FXYD7: variants seen among roughly 807,000 people sequenced by gnomAD.
FXYD7 encodes FXYD domain-containing ion transport regulator 7.
FXYD7 carries 7 observed loss-of-function variants against 15.3 expected under a neutral mutation model. The ratio of observed to expected loss-of-function variants is 0.46; its 90% CI spans 0.26 to 0.86. The LOEUF (loss-of-function observed/expected upper bound fraction) is 0.86. Ranked by LOEUF, FXYD7 falls within the 40% of genes least tolerant of loss-of-function variation. FXYD7 has a pLI of 0.16. For synonymous variants in FXYD7, 39 were observed against 39.3 expected (o/e 0.99, Z 0.03); for missense variants, 78 against 100.6 (o/e 0.78, Z 0.96).
Position 35,153,937 on chromosome 19 carries a change from G to A in FXYD7, c.*21G>A, listed in dbSNP as rs201775954. ...TGTAACACCTTCCCGAGGAAACTCC[G>A]CTGCCGACCCTGCCTGAGCGCGGGA... On this transcript the variant is annotated 3_prime_UTR_variant, in exon 6 of 6. Coordinates refer to ENST00000270310, the MANE Select transcript of FXYD7 (RefSeq NM_022006.2). 6 of 1,610,220 alleles carry A rather than the reference G, an allele frequency of 3.7e-6. No homozygotes were observed. In the East Asian group the frequency reaches 1.3e-4, roughly 36 times the overall value.
chr19:35,146,848 C>T (rs1051558513), intron 1 of FXYD7, among the ~76,000 whole-genome samples: 7 of 152,152 alleles, frequency 4.6e-5, no homozygotes. Context: ...AGACAGAGAC[C>T]TGGGAAGGGT....
chr19:35,151,826 G>C (rs1249781485), intron 5 of FXYD7, among the ~76,000 whole-genome samples, 153 bp downstream of exon 5: 2 of 152,060 alleles, frequency 1.3e-5, no homozygotes, highest in Admixed American at 1.3e-4. Context: ...AGGAAGCTGA[G>C]GAAATTCCGC....
chr19:35,153,996 GC>G lies in FXYD7; in HGVS notation c.*82del. ...ACCGGGTGGAGGCGGTGGGGACCCA[GC>G]CGCGCGCCGGGAGCGCTCCCCGGAA... On this transcript the variant is annotated 3_prime_UTR_variant, in exon 6 of 6. Transcript: ENST00000270310. 7.1e-7 allele frequency: 1 copy of G among 1,416,550 alleles called. No individual in the cohort carries two copies. Among genetic ancestry groups the G allele is most frequent in the Non-Finnish European group, 9.9e-7 (1 of 1,013,944 alleles). The allele number at this position is 1,416,550 out of a possible 1,614,324, so 87.7% of individuals were successfully genotyped here.
chr19:35,151,567 G>A (rs370412632), intron 4 of FXYD7, 66 bp from the exon 5 acceptor site: 55 of 1,593,532 alleles, frequency 3.5e-5, no homozygotes, highest in Non-Finnish European at 3.3e-5. Flanking sequence ...CCTGCCATGC[G>A]TTTTCCCCAA....
chr19:35,149,915 G>C (rs968596804), intron 2 of FXYD7, among the ~76,000 whole-genome samples: 1 of 152,014 alleles, frequency 6.6e-6, no homozygotes, highest in African/African-American at 2.4e-5. Flanking sequence ...AACTATGATC[G>C]TGATTTTTTT....
At chr19:35,152,344 A>G (rs970838636) in intron 5 of FXYD7, among the ~76,000 whole-genome samples, 63 of 151,762 alleles carry the variant, frequency 4.2e-4, no homozygotes, top group African/African-American at 1.5e-3. Flanking sequence ...CTGTGAAGAG[A>G]AGGGCCCCAT....
intron 2 of FXYD7, 96 bp downstream of exon 2, chr19:35,148,819 C>G (rs746119297): frequency 9.1e-7 from 1 of 1,093,774 alleles, no homozygotes; most frequent in Non-Finnish European, 1.4e-6. Flanking sequence ...CCACACGATA[C>G]GTGCTGGGCC....
rs954084904 is a variant in FXYD7, at chr19:35,153,033, C to CTTTTTTTTTTTTTTTTTTTTTTT, written c.221-854_221-832dup. ...TTGGTGTGGAATTTGTTTCACGTTC[C>CTTTTTTTTTTTTTTTTTTTTTTT]TTTTTTTTTTTTTTTTTTTTTTTTT... On this transcript the variant is annotated intron_variant, in intron 5 of 5. Coordinates refer to ENST00000270310, the MANE Select transcript of FXYD7 (RefSeq NM_022006.2). 9.1e-5 allele frequency among the ~76,000 whole-genome samples: 4 copies of CTTTTTTTTTTTTTTTTTTTTTTT among 44,138 alleles called. 1 individual carries two copies. The highest frequency in any genetic ancestry group is 1.6e-4 in the Non-Finnish European group (4 of 25,806). 29.0% of individuals were successfully genotyped at this position (44,138 alleles called of 152,430 possible).
chr19:35,148,026 GGAAAGAAA>G (rs59209064), intron 1 of FXYD7, among the ~76,000 whole-genome samples: 16,264 of 88,276 alleles, frequency 0.18, 1,730 homozygotes, highest in East Asian at 0.26. Context: ...GAAGAAAGAA[GGAAAGAAA>G]GAAAGAAAGA....
At chr19:35,151,731 C>A (rs2065310992) in intron 5 of FXYD7, 58 bp downstream of exon 5, 1 of 1,295,888 alleles carries the variant, frequency 7.7e-7, no homozygotes, top group Non-Finnish European at 1.1e-6. Flanking sequence ...GGGAAGGGAA[C>A]CCTCAGAAGG....
Position 35,153,973 on chromosome 19 carries a change from C to G in FXYD7, c.*57C>G, listed in dbSNP as rs550884137. 3.5e-5 allele frequency: 54 copies of G among 1,559,770 alleles called. No homozygotes were observed. The African/African-American group carries it at 6.5e-4, about 19-fold the overall frequency. ...TGCCTGAGCGCGGGAGCCTGAGGACCGGGTGGAGGCGGTGGGGACCCAGCC... is the reference window on the plus strand; with the variant it reads ...TGCCTGAGCGCGGGAGCCTGAGGACGGGGTGGAGGCGGTGGGGACCCAGCC... On this transcript the variant is annotated 3_prime_UTR_variant, in exon 6 of 6. Coordinates refer to ENST00000270310, the MANE Select transcript of FXYD7 (RefSeq NM_022006.2).
chr19:35,152,799 G>A (rs1482449786), intron 5 of FXYD7, among the ~76,000 whole-genome samples: 2 of 151,834 alleles, frequency 1.3e-5, no homozygotes, highest in East Asian at 1.9e-4. Flanking sequence ...GCATGTCAAC[G>A]AAAGACTGAT....
intron 5 of FXYD7, among the ~76,000 whole-genome samples, chr19:35,152,977 G>T (rs1688004): frequency 3.0e-4 from 38 of 128,616 alleles, no homozygotes; most frequent in African/African-American, 1.1e-3. Flanking sequence ...TGCGGGAGGG[G>T]GACACGGGTT....
At chr19:35,148,610 C>A in intron 1 of FXYD7, 84 bp from the exon 2 acceptor site, 1 of 1,161,750 alleles carries the variant, frequency 8.6e-7, no homozygotes, top group Non-Finnish European at 1.2e-6. Flanking sequence ...AGGCCAGTGG[C>A]TCCATCTGGA....
At chr19:35,149,945 C>T (rs2065303730) in intron 2 of FXYD7, among the ~76,000 whole-genome samples, 1 of 151,978 alleles carries the variant, frequency 6.6e-6, no homozygotes, top group African/African-American at 2.4e-5. Flanking sequence ...TAGACAAAGT[C>T]TGACTCTGTG....
intron 1 of FXYD7, among the ~76,000 whole-genome samples, chr19:35,146,540 G>C (rs2065289515): frequency 2.6e-5 from 4 of 152,160 alleles, no homozygotes; most frequent in Admixed American, 2.0e-4. Context: ...CCAGGAAATG[G>C]GGATGAAGAT....
chr19:35,147,527 G>C (rs1206183176), intron 1 of FXYD7, among the ~76,000 whole-genome samples: 1 of 152,174 alleles, frequency 6.6e-6, no homozygotes, highest in Non-Finnish European at 1.5e-5. Context: ...TGAATCCAGA[G>C]ACACACACAC....
rs764410423 is a variant in FXYD7 at position 35,143,367 on chromosome 19, G to A, written c.31+3G>A. 6.6e-7 allele frequency: 1 copy of A among 1,515,516 alleles called. No homozygotes were observed. 93.9% of individuals were successfully genotyped at this position (1,515,516 alleles called of 1,614,324 possible). A position where few individuals can be genotyped will look rare whatever the true frequency, so the allele number is the denominator to read the frequency against. ...CCCGACCCAGACCCCCACAAAGGGT[G>A]AGCGTCGTTTGGGGAGGGGGTTGCA... On this transcript the variant is annotated splice_donor_region_variant and intron_variant, in intron 1 of 5. Transcript: ENST00000270310. The surrounding 1 kb of genome is among the most constrained non-coding windows in gnomAD (Gnocchi z 4.3).
At chr19:35,148,089 AAGAAAG>A (rs1478882279) in intron 1 of FXYD7, among the ~76,000 whole-genome samples, 146 of 121,028 alleles carry the variant, frequency 1.2e-3, no homozygotes, top group South Asian at 6.3e-3. Context: ...GAAAGAAAGA[AAGAAAG>A]AGAGAGAGAA....
Sources: gnomAD v4.1 joint callset for allele counts (sites outside exome capture counted in the v4.1 genomes callset) on GRCh38, gnomAD v4.1.1 for gene constraint, Gnocchi (gnomAD v3.1) non-coding constraint, MANE v1.5 for transcripts, NCBI Gene and HGNC (gene_info 2026-07-23, HGNC 2026-07-21) for gene names.